Variants in VWC2L observed in about 807,000 individuals in gnomAD.
VWC2L encodes the protein von Willebrand factor C domain containing 2 like, also known as von Willebrand factor C domain-containing protein 2-like.
VWC2L carries 10 observed loss-of-function variants against 21.6 expected under a neutral mutation model. That is an observed-to-expected ratio of 0.46 (90% CI 0.29 to 0.78). The LOEUF is 0.78. Ranked by LOEUF, VWC2L falls within the 30% of genes least tolerant of loss-of-function variation. The pLI is 0.10. For synonymous variants in VWC2L, 96 were observed against 94.3 expected (o/e 1.02, Z -0.10); for missense variants, 209 against 277.1 (o/e 0.75, Z 1.74).
intron 3 of VWC2L, among the ~76,000 whole-genome samples, chr2:214,504,957 TAAATTTG>T (rs1688947171): frequency 6.6e-6 from 1 of 152,160 alleles, no homozygotes; most frequent in Admixed American, 6.5e-5. Context: ...AATCCCAAAA[TAAATTTG>T]ACTGGCCTGA....
At chr2:214,552,652 C>G (rs771022388) in intron 3 of VWC2L, among the ~76,000 whole-genome samples, 1 of 152,206 alleles carries the variant, frequency 6.6e-6, no homozygotes, top group African/African-American at 2.4e-5. Flanking sequence ...TTCTATTTCT[C>G]TACTCACGAC....
intron 3 of VWC2L, among the ~76,000 whole-genome samples, chr2:214,514,586 G>A (rs1574608930): frequency 6.6e-6 from 1 of 152,150 alleles, no homozygotes; most frequent in Non-Finnish European, 1.5e-5. Context: ...CAAGCAGACA[G>A]TATAGTAAGA....
intron 3 of VWC2L, among the ~76,000 whole-genome samples, chr2:214,572,538 G>A (rs866211606): frequency 2.0e-5 from 3 of 152,086 alleles, no homozygotes; most frequent in African/African-American, 2.4e-5. Flanking sequence ...CCAAATACAA[G>A]GTAGACAGTA....
At chr2:214,445,320 A>G (rs777956231) in intron 3 of VWC2L, among the ~76,000 whole-genome samples, 1 of 152,036 alleles carries the variant, frequency 6.6e-6, no homozygotes, top group Non-Finnish European at 1.5e-5. Flanking sequence ...AATAGCAACA[A>G]TTTGGAAAAA....
intron 3 of VWC2L, among the ~76,000 whole-genome samples, chr2:214,448,828 A>G (rs1574569951): frequency 6.6e-6 from 1 of 152,184 alleles, no homozygotes; most frequent in Non-Finnish European, 1.5e-5. Flanking sequence ...TCATCATTAG[A>G]CCAGCCATTG....
chr2:214,573,399 A>C (rs1690181573), intron 3 of VWC2L, among the ~76,000 whole-genome samples: 1 of 152,112 alleles, frequency 6.6e-6, no homozygotes, highest in African/African-American at 2.4e-5. Flanking sequence ...TTAGAATTTT[A>C]TTTTCCCATG....
chr2:214,511,360 G>A (rs1689049815), intron 3 of VWC2L, among the ~76,000 whole-genome samples: 1 of 152,114 alleles, frequency 6.6e-6, no homozygotes, highest in Non-Finnish European at 1.5e-5. Context: ...AATTCATATG[G>A]AAGCCCTAAT....
intron 3 of VWC2L, among the ~76,000 whole-genome samples, chr2:214,559,794 G>T (rs1312301301): frequency 6.6e-6 from 1 of 151,996 alleles, no homozygotes; most frequent in Non-Finnish European, 1.5e-5. Flanking sequence ...TAGAGACAAG[G>T]TCTAGTATGT....
chr2:214,462,506 T>G (rs995481997), intron 3 of VWC2L, among the ~76,000 whole-genome samples: 1 of 152,242 alleles, frequency 6.6e-6, no homozygotes, highest in African/African-American at 2.4e-5. Context: ...TGGAGGAAGC[T>G]GCTGCTGGGT....
intron 3 of VWC2L, among the ~76,000 whole-genome samples, chr2:214,442,297 T>A (rs1310266848): frequency 6.6e-6 from 1 of 152,208 alleles, no homozygotes; most frequent in African/African-American, 2.4e-5. Flanking sequence ...TAATAATGAT[T>A]CTTTTAGGCA....
chr2:214,567,593 C>G (rs78555100), intron 3 of VWC2L, among the ~76,000 whole-genome samples: 94,713 of 132,758 alleles, frequency 0.71, 33,690 homozygotes, highest in East Asian at 0.83. Flanking sequence ...CACACACACA[C>G]ACAGAGAGAG....
In VWC2L at chr2:214,422,502, G is replaced by A. The variant is rs547724284; in HGVS notation, c.390+7919G>A. Among the ~76,000 whole-genome samples the A allele has an allele frequency of 2.0e-4, 31 of 152,202 alleles. 1 individual carries two copies. Among genetic ancestry groups the A allele is most frequent in the Admixed American group, 1.8e-3 (28 of 15,290 alleles). ...AAGGACAGCACAAGAAAAACCTATC[G>A]GTGTATTTTTTAGTTGTCTTTTAGG... On this transcript the variant is annotated intron_variant, in intron 2 of 3. Coordinates refer to ENST00000312504, the MANE Select transcript of VWC2L (RefSeq NM_001080500.4).
At chr2:214,561,656 C>T (rs10932546) in intron 3 of VWC2L, among the ~76,000 whole-genome samples, 104,077 of 150,952 alleles carry the variant, frequency 0.69, 37,575 homozygotes, top group East Asian at 0.83. Context: ...ATGCCTATAG[C>T]CCCAGCTACT....
At chr2:214,532,303 G>A (rs1689448739) in intron 3 of VWC2L, among the ~76,000 whole-genome samples, 1 of 152,066 alleles carries the variant, frequency 6.6e-6, no homozygotes, top group Non-Finnish European at 1.5e-5. Context: ...AGATGTAAAA[G>A]CTGGTGATAA....
chr2:214,562,890 T>A (rs1689998944), intron 3 of VWC2L, among the ~76,000 whole-genome samples: 1 of 152,182 alleles, frequency 6.6e-6, no homozygotes, highest in South Asian at 2.1e-4. Flanking sequence ...ATTGCAAAAA[T>A]TTTCTTCCAC....
rs547562000 is a variant in VWC2L at position 214,463,210 on chromosome 2, T to C, written c.520+26452T>C. The stretch of plus-strand genomic sequence containing the variant: ...ATTTTATCAGTTTGAGAGGTGGGTA[T>C]TGAAATAATGAACTATATTTGAATT... On this transcript the variant is annotated intron_variant, in intron 3 of 3. Transcript: ENST00000312504. 1.5e-3 allele frequency among the ~76,000 whole-genome samples: 232 copies of C among 152,284 alleles called. 2 individuals are homozygous for C. The highest frequency in any genetic ancestry group is 5.3e-3 in the African/African-American group (220 of 41,582).
chr2:214,486,748 C>A lies in VWC2L; in HGVS notation c.520+49990C>A, dbSNP rs185307255. The stretch of plus-strand genomic sequence containing the variant: ...ATCCTATCACTGGGTCTGCCTAAAG[C>A]TGTCACTACTCTGCTTTTAACCTGC... On this transcript the variant is annotated intron_variant, in intron 3 of 3. Coordinates refer to ENST00000312504, the MANE Select transcript of VWC2L (RefSeq NM_001080500.4). 7.7e-4 allele frequency among the ~76,000 whole-genome samples: 118 copies of A among 152,292 alleles called. 1 individual carries two copies. The highest frequency in any genetic ancestry group is 2.4e-4 in the Non-Finnish European group (16 of 68,018).
chr2:214,562,911 G>T (rs956342930), intron 3 of VWC2L, among the ~76,000 whole-genome samples: 1 of 152,116 alleles, frequency 6.6e-6, no homozygotes, highest in African/African-American at 2.4e-5. Flanking sequence ...TCTGTAGGTT[G>T]CCTGTTTGCT....
At chr2:214,419,428 ACT>A (rs1702401571) in intron 2 of VWC2L, among the ~76,000 whole-genome samples, 2 of 152,142 alleles carry the variant, frequency 1.3e-5, no homozygotes, top group South Asian at 4.1e-4. Flanking sequence ...TATTTTTATA[ACT>A]CTGATTCTGC....
Sources: allele counts gnomAD v4.1 joint callset (sites outside exome capture counted in the v4.1 genomes callset), GRCh38; gene constraint gnomAD v4.1.1; transcripts MANE v1.5; gene names NCBI Gene and HGNC (gene_info 2026-07-23, HGNC 2026-07-21).